Variants in SSH2 observed in about 807,000 individuals in gnomAD.
The protein encoded by SSH2 is slingshot protein phosphatase 2.
A neutral mutation model predicts 135.2 loss-of-function variants in SSH2; 37 were observed. The ratio of observed to expected loss-of-function variants is 0.27; its 90% confidence interval spans 0.21 to 0.36. The LOEUF is 0.36. Ranked by LOEUF, SSH2 falls within the 10% of genes least tolerant of loss-of-function variation. The probability of loss-of-function intolerance (pLI) is 1.00; values close to 1 mark genes in which losing one functional copy is unlikely to be tolerated. For missense variants in SSH2, 1,408 were observed against 1,765.3 expected, an observed-to-expected ratio of 0.80 and a Z score of 3.63; for synonymous variants, 628 against 646.2, an observed-to-expected ratio of 0.97 and a Z score of 0.43.
chr17:29,651,373 C>T (rs891483844), intron 12 of SSH2, among the ~76,000 whole-genome samples: 8 of 152,150 alleles, frequency 5.3e-5, no homozygotes, highest in African/African-American at 1.9e-4. Context: ...AGAGAAAAGC[C>T]GGACTTAAAA....
chr17:29,699,062 T>C (rs945389282), intron 4 of SSH2, among the ~76,000 whole-genome samples: 1 of 152,206 alleles, frequency 6.6e-6, no homozygotes, highest in Non-Finnish European at 1.5e-5. Context: ...GCAAACTGCA[T>C]ATCATTTCCT....
At chr17:29,828,852 T>A (rs1236948556) in intron 2 of SSH2, among the ~76,000 whole-genome samples, 1 of 152,198 alleles carries the variant, frequency 6.6e-6, no homozygotes, top group Non-Finnish European at 1.5e-5. Flanking sequence ...CTACATTCTG[T>A]CATTTCCTGC....
intron 3 of SSH2, among the ~76,000 whole-genome samples, chr17:29,759,275 A>G (rs534137864): frequency 6.6e-6 from 1 of 151,794 alleles, no homozygotes; most frequent in South Asian, 2.1e-4. Context: ...GGCTCAAGCA[A>G]TCCTCCCACC....
intron 3 of SSH2, chr17:29,761,414 C>T: frequency 9.5e-7 from 1 of 1,053,830 alleles, no homozygotes; most frequent in Non-Finnish European, 1.1e-6. Flanking sequence ...CCCCAGGGCT[C>T]GGCGGTAGAG....
At chr17:29,807,745 G>A (rs747472844) in intron 2 of SSH2, among the ~76,000 whole-genome samples, 5 of 151,172 alleles carry the variant, frequency 3.3e-5, no homozygotes. Flanking sequence ...AGCTGCAGGA[G>A]ACAGGACTTT....
At chr17:29,853,383 C>G (rs1481172022) in intron 1 of SSH2, among the ~76,000 whole-genome samples, 1 of 151,762 alleles carries the variant, frequency 6.6e-6, no homozygotes, top group Non-Finnish European at 1.5e-5. Context: ...CCGCGCGCGG[C>G]CTAGGTGGGC....
chr17:29,658,035 ACT>A (rs1218701755), intron 11 of SSH2, among the ~76,000 whole-genome samples: 1 of 135,992 alleles, frequency 7.4e-6, no homozygotes, highest in Non-Finnish European at 1.6e-5. Context: ...ACAGAGTTTC[ACT>A]CTGTTGCCCA....
At chr17:29,898,616 T>G (rs1022613927) in intron 1 of SSH2, among the ~76,000 whole-genome samples, 4 of 152,032 alleles carry the variant, frequency 2.6e-5, no homozygotes, top group Admixed American at 6.6e-5. Context: ...AATAACAGGC[T>G]CTGAAATTGA....
rs905608146 is a variant in SSH2 at position 29,630,692 on chromosome 17, C to T, written c.*149G>A. ...CCTTACATATACACACACATACACA[C>T]TGAAAAACACCCAAACCCTGCATGC... On this transcript the variant is annotated 3_prime_UTR_variant, in exon 16 of 16. Coordinates refer to ENST00000540801, the MANE Select transcript of SSH2 (RefSeq NM_001282129.2). 3 of 752,978 alleles carry T rather than the reference C, an allele frequency of 4.0e-6. No individual in the cohort carries two copies. Among genetic ancestry groups the T allele is most frequent in the African/African-American group, 3.5e-5 (2 of 56,746 alleles). The allele number at this position is 752,978 out of a possible 1,614,324, so 46.6% of individuals were successfully genotyped here.
intron 3 of SSH2, among the ~76,000 whole-genome samples, chr17:29,719,448 G>A (rs2039744430): frequency 6.6e-6 from 1 of 151,094 alleles, no homozygotes; most frequent in South Asian, 2.1e-4. Flanking sequence ...AGAGGTGGAG[G>A]TTGCAGTAAG....
chr17:29,651,814 C>T (rs952023284), intron 12 of SSH2, among the ~76,000 whole-genome samples: 106 of 152,000 alleles, frequency 7.0e-4, no homozygotes, highest in African/African-American at 2.5e-3. Context: ...GGCATCAAAG[C>T]CCATTACTAC....
Position 29,641,073 on chromosome 17 carries a change from C to T in SSH2, c.1428-4271G>A, listed in dbSNP as rs559535518. Among the ~76,000 whole-genome samples, 36 of 152,212 alleles carry T rather than the reference C, an allele frequency of 2.4e-4. No individual in the cohort carries two copies. The South Asian group carries it at 7.1e-3, about 30-fold the overall frequency. On this transcript the variant is annotated intron_variant, in intron 14 of 15. Coordinates refer to ENST00000540801, the MANE Select transcript of SSH2 (RefSeq NM_001282129.2). ...TATAGGCATGCGCCACCATGCCTGG[C>T]TAATTTTTGTATTTTTAGTAGACAC...
In SSH2 at chr17:29,696,620, T is replaced by TAC. The variant is rs755811988; in HGVS notation, c.293-1098_293-1097insGT. ...TCTCAAAAACATATATACATATATA[T>TAC]ATACACACACACACACACACACACA... On this transcript the variant is annotated intron_variant, in intron 4 of 15. Transcript: ENST00000540801. Among the ~76,000 whole-genome samples the TAC allele has an allele frequency of 8.8e-3, 1,197 of 136,060 alleles. 10 individuals are homozygous for TAC. Among genetic ancestry groups the TAC allele is most frequent in the African/African-American group, 0.03 (1,134 of 37,274 alleles). The allele number at this position is 136,060 out of a possible 152,430, so 89.3% of individuals were successfully genotyped here. A position where few individuals can be genotyped will look rare whatever the true frequency, so the allele number is the denominator to read the frequency against.
Position 29,874,812 on chromosome 17 carries a change from G to T in SSH2, c.64-25883C>A, listed in dbSNP as rs776113193. Among the ~76,000 whole-genome samples, 22 of 152,300 alleles carry T rather than the reference G, an allele frequency of 1.4e-4. No individual in the cohort carries two copies. The South Asian group carries it at 4.6e-3, about 32-fold the overall frequency. ...GCTGTGAAAAGAACATGGAGATGCA[G>T]AATTCTCTGTGATTGTCAGATAACA... On this transcript the variant is annotated intron_variant, in intron 1 of 15. Coordinates refer to ENST00000540801, the MANE Select transcript of SSH2 (RefSeq NM_001282129.2).
At chr17:29,872,866 C>T (rs763066071) in intron 1 of SSH2, among the ~76,000 whole-genome samples, 36 of 151,814 alleles carry the variant, frequency 2.4e-4, no homozygotes, top group Non-Finnish European at 4.6e-4. Flanking sequence ...CGTGGTGCCG[C>T]GTGCCTATAA....
intron 8 of SSH2, chr17:29,676,615 G>C: frequency 2.0e-6 from 1 of 495,312 alleles, no homozygotes. Flanking sequence ...GAATTCCTCT[G>C]AATTTCACTT....
intron 3 of SSH2, among the ~76,000 whole-genome samples, chr17:29,757,743 A>AT: frequency 1.1e-5 from 1 of 93,180 alleles, no homozygotes; most frequent in African/African-American, 4.4e-5. Flanking sequence ...AAAAAAAAAA[A>AT]GAGAGAGAGA....
chr17:29,915,393 C>T (rs987859125), intron 1 of SSH2, among the ~76,000 whole-genome samples: 2 of 152,166 alleles, frequency 1.3e-5, no homozygotes, highest in Non-Finnish European at 2.9e-5. Context: ...CCTATTGTTT[C>T]CCTTTACAAA....
chr17:29,808,325 C>T (rs1382053528), intron 2 of SSH2, among the ~76,000 whole-genome samples: 6 of 152,302 alleles, frequency 3.9e-5, no homozygotes, highest in Admixed American at 1.3e-4. Flanking sequence ...GACGGGGTTT[C>T]GCCATGTTGG....
Sources: gnomAD v4.1 joint callset for allele counts (sites outside exome capture counted in the v4.1 genomes callset) on GRCh38, gnomAD v4.1.1 for gene constraint, MANE v1.5 for transcripts, NCBI Gene and HGNC (gene_info 2026-07-23, HGNC 2026-07-21) for gene names.